CDH15: variants seen among roughly 807,000 people sequenced by gnomAD.
The protein encoded by CDH15 is cadherin 15.
Under a neutral mutation model 69.4 loss-of-function variants are expected in CDH15, and 73 were observed. The ratio of observed to expected loss-of-function variants is 1.05; its 90% confidence interval spans 0.87 to 1.28. The LOEUF is 1.28. Ranked by LOEUF, CDH15 falls within the 50% of genes most tolerant of loss-of-function variation. The pLI is 0.00. For synonymous variants in CDH15, 624 were observed against 507.7 expected, an observed-to-expected ratio of 1.23 and a Z score of -3.08; for missense variants, 1,343 against 1,133.6, an observed-to-expected ratio of 1.18 and a Z score of -2.65.
chr16:89,177,487 G>A (rs1400962328), intron 1 of CDH15, among the ~76,000 whole-genome samples: 1 of 152,102 alleles, frequency 6.6e-6, no homozygotes, highest in African/African-American at 2.4e-5. Flanking sequence ...CAGGGAGGAG[G>A]GTCACCCGAG....
intron 1 of CDH15, among the ~76,000 whole-genome samples, chr16:89,174,464 C>G (rs752106603): frequency 6.6e-6 from 1 of 152,210 alleles, no homozygotes; most frequent in Admixed American, 6.5e-5. Context: ...TCCTCGTTCC[C>G]GTCTCGCAGT....
chr16:89,189,994 C>G (rs1597310729), intron 7 of CDH15, among the ~76,000 whole-genome samples: 1 of 152,268 alleles, frequency 6.6e-6, no homozygotes, highest in Non-Finnish European at 1.5e-5. Flanking sequence ...ACGGCCCTCG[C>G]TGAAATACCC....
chr16:89,193,675 C>G, intron 12 of CDH15, 69 bp downstream of exon 12: 1 of 1,567,190 alleles, frequency 6.4e-7, no homozygotes, highest in Non-Finnish European at 8.6e-7. Flanking sequence ...TTACAACAAG[C>G]TGGCCAGGAG....
At chr16:89,178,228 T>C (rs1915298593) in intron 1 of CDH15, among the ~76,000 whole-genome samples, 1 of 152,104 alleles carries the variant, frequency 6.6e-6, no homozygotes, top group East Asian at 1.9e-4. Flanking sequence ...CCACCTCCAC[T>C]TTGGGGTCTT....
Position 89,191,320 on chromosome 16 carries a change from C to G in CDH15, c.1233-10C>G, listed in dbSNP as rs752661243. On this transcript the variant is annotated splice_polypyrimidine_tract_variant and intron_variant, in intron 8 of 13. Coordinates refer to ENST00000289746, the MANE Select transcript of CDH15 (RefSeq NM_004933.3). ...AACTCAGATCCCACTCTTCCCCTCCCCTGCATCAGCTACTCCAAGGACTAC... is the reference window on the plus strand; with the variant it reads ...AACTCAGATCCCACTCTTCCCCTCCGCTGCATCAGCTACTCCAAGGACTAC... 3 of 1,612,796 alleles carry G rather than the reference C, an allele frequency of 1.9e-6. No homozygotes were observed. The South Asian group carries it at 3.3e-5, about 18-fold the overall frequency.
intron 6 of CDH15, among the ~76,000 whole-genome samples, 177 bp from the exon 7 acceptor site, chr16:89,187,923 G>T (rs1300118010): frequency 6.8e-6 from 1 of 147,392 alleles, no homozygotes; most frequent in Non-Finnish European, 1.5e-5. Context: ...TCACAAAACA[G>T]ACAAACCTGA....
chr16:89,192,517 C>G, intron 11 of CDH15, 73 bp downstream of exon 11: 3 of 1,522,096 alleles, frequency 2.0e-6, no homozygotes, highest in East Asian at 2.4e-5. Context: ...CCCCTGCTAA[C>G]CAGCCACGCC....
At chr16:89,179,670 C>T (rs1325044526) in intron 2 of CDH15, 96 bp downstream of exon 2, 1 of 1,326,900 alleles carries the variant, frequency 7.5e-7, no homozygotes, top group Non-Finnish European at 1.0e-6. Flanking sequence ...GCCAGCGGGG[C>T]CCCATTTCAG....
chr16:89,173,695 G>T (rs1451682184), intron 1 of CDH15, among the ~76,000 whole-genome samples: 1 of 152,220 alleles, frequency 6.6e-6, no homozygotes, highest in Admixed American at 6.5e-5. Flanking sequence ...GAGCCCCCAG[G>T]CAGGCAGCGT....
At chr16:89,180,858 G>T (rs963202162) in intron 3 of CDH15, among the ~76,000 whole-genome samples, 2 of 152,036 alleles carry the variant, frequency 1.3e-5, no homozygotes, top group Non-Finnish European at 2.9e-5. Flanking sequence ...CGAGTAGCTG[G>T]GACTACAGGC....
chr16:89,188,403 CATGCCGGCACACACAG>C (rs1915544616), intron 7 of CDH15, 118 bp downstream of exon 7: 1 of 575,386 alleles, frequency 1.7e-6, no homozygotes. Context: ...GGCACACACA[CATGCCGGCACACACAG>C]ATGCCCACAC....
intron 1 of CDH15, among the ~76,000 whole-genome samples, chr16:89,178,105 G>A (rs893223204): frequency 1.3e-5 from 2 of 152,202 alleles, no homozygotes; most frequent in African/African-American, 4.8e-5. Context: ...CCTGGCTCTT[G>A]GACTTGGGTC....
In CDH15 at chr16:89,183,634, C is replaced by G; in HGVS notation, c.444C>G (p.Asn148Lys). The G allele has an allele frequency of 6.2e-7, 1 of 1,613,894 alleles. No homozygotes were observed. The highest frequency in any genetic ancestry group is 8.5e-7 in the Non-Finnish European group (1 of 1,179,946). The change falls in exon 4 of 14, where the codon AAC (asparagine) becomes AAG (lysine). Residue 148 changes from asparagine to lysine, a missense_variant. Transcript: ENST00000289746. ...TTGTAGTTGTGGATCAGAATGACAA[C>G]CGGCCAGCCTTCCTGCAGGAGGCGT... ...LEIVVVDQND[N>K]RPAFLQEAFT...
At chr16:89,180,974 CTT>C (rs770080908) in intron 3 of CDH15, among the ~76,000 whole-genome samples, 2 of 96,944 alleles carry the variant, frequency 2.1e-5, no homozygotes, top group African/African-American at 4.3e-5. Flanking sequence ...CGCGCCCGAC[CTT>C]TTTTTTTTTT....
Position 89,191,479 on chromosome 16 carries a change from G to C in CDH15, c.1375+7G>C. 1 of 1,611,734 alleles carries C rather than the reference G, an allele frequency of 6.2e-7. No individual in the cohort carries two copies. Among genetic ancestry groups the C allele is most frequent in the Non-Finnish European group, 8.5e-7 (1 of 1,179,790 alleles). ...GTCCTGGCCCAGGATGACGGTGAGC[G>C]GCGCCGCCGGCTTGGGGCTCCCTGA... On this transcript the variant is annotated splice_region_variant and intron_variant, in intron 9 of 13. Coordinates refer to ENST00000289746, the MANE Select transcript of CDH15 (RefSeq NM_004933.3).
In CDH15 at chr16:89,191,565, G is replaced by T. The variant is rs368927460; in HGVS notation, c.1376-90G>T. The T allele has an allele frequency of 1.4e-5, 22 of 1,581,952 alleles. No individual in the cohort carries two copies. The East Asian group carries it at 4.4e-4, about 32-fold the overall frequency. ...TCGGAGGGCTCTGCCCATGTCGCCC[G>T]GGGGCTCAGAGCTGCGCACCCGCTC... On this transcript the variant is annotated intron_variant, in intron 9 of 13. Transcript: ENST00000289746.
Position 89,195,230 on chromosome 16 carries a change from ACCGGGCCCGAC to A in CDH15, c.*78_*88del, listed in dbSNP as rs1248652261. 1 of 1,413,022 alleles carries A rather than the reference ACCGGGCCCGAC, an allele frequency of 7.1e-7. No homozygotes were observed. Among genetic ancestry groups the A allele is most frequent in the Non-Finnish European group, 9.3e-7 (1 of 1,069,914 alleles). 87.5% of individuals were successfully genotyped at this position (1,413,022 alleles called of 1,614,324 possible). A position where few individuals can be genotyped will look rare whatever the true frequency, so the allele number is the denominator to read the frequency against. On this transcript the variant is annotated 3_prime_UTR_variant, in exon 14 of 14. Coordinates refer to ENST00000289746, the MANE Select transcript of CDH15 (RefSeq NM_004933.3). ...GCCCCTGCAGAGGCAGCCTGAGGTC[ACCGGGCCCGAC>A]CCCCCTGGGCCTGGGGCAGCCTCCT...
intron 2 of CDH15, 50 bp from the exon 3 acceptor site, chr16:89,180,150 G>C (rs1383178754): frequency 6.2e-7 from 1 of 1,602,860 alleles, no homozygotes; most frequent in Non-Finnish European, 8.5e-7. Context: ...AGAGAGGGCA[G>C]AGGCCCCCGC....
At chr16:89,188,666 C>CGG (rs1348786681) in intron 7 of CDH15, among the ~76,000 whole-genome samples, 1 of 137,052 alleles carries the variant, frequency 7.3e-6, no homozygotes, top group African/African-American at 2.8e-5. Flanking sequence ...ACACAGATGC[C>CGG]CACACACAGA....
Sources: allele counts gnomAD v4.1 joint callset (sites outside exome capture counted in the v4.1 genomes callset), GRCh38; gene constraint gnomAD v4.1.1; transcripts MANE v1.5; gene names NCBI Gene and HGNC (gene_info 2026-07-23, HGNC 2026-07-21).